Variants in NXPE2 observed in about 807,000 individuals in gnomAD.
NXPE2 encodes the protein neurexophilin and PC-esterase domain family member 2.
Under a neutral mutation model 34.4 loss-of-function variants are expected in NXPE2, and 34 were observed. The observed-to-expected ratio is 0.99, with a 90% CI of 0.75 to 1.31. The LOEUF is 1.31. Among genes scored for constraint, NXPE2 ranks in the 40% most tolerant of loss-of-function variants. The pLI is 0.00. For missense variants in NXPE2, 649 were observed against 672.5 expected (o/e 0.97, Z 0.39); for synonymous variants, 235 against 231.3 (o/e 1.02, Z -0.15).
chr11:114,546,876 T>A, the NXPE2 span, among the ~76,000 whole-genome samples: 119 of 152,270 alleles, frequency 7.8e-4, no homozygotes, highest in Non-Finnish European at 1.5e-3. Flanking sequence ...ATGGCCAAAG[T>A]AGAACAATTT....
the NXPE2 span, among the ~76,000 whole-genome samples, chr11:114,603,769 G>A: frequency 2.0e-5 from 3 of 151,390 alleles, no homozygotes; most frequent in Admixed American, 1.3e-4. Flanking sequence ...CGTCTCCTAG[G>A]TAACTACTGT....
chr11:114,484,361 G>T, the NXPE2 span, among the ~76,000 whole-genome samples: 2 of 152,054 alleles, frequency 1.3e-5, no homozygotes, highest in Admixed American at 6.6e-5. Context: ...GATGTGGGGG[G>T]GTAGAATTGA....
chr11:114,540,270 G>C, the NXPE2 span, among the ~76,000 whole-genome samples: 1 of 152,160 alleles, frequency 6.6e-6, no homozygotes, highest in Admixed American at 6.5e-5. Flanking sequence ...AATCCAATTT[G>C]TTTAGGAGAC....
the NXPE2 span, among the ~76,000 whole-genome samples, chr11:114,600,168 A>G: frequency 8.5e-5 from 13 of 152,318 alleles, no homozygotes; most frequent in African/African-American, 2.6e-4. Flanking sequence ...TATATTTATA[A>G]TTTCAAAGTT....
At chr11:114,579,992 CA>C in the NXPE2 span, 1 of 699,418 alleles carries the variant, frequency 1.4e-6, no homozygotes, top group Non-Finnish European at 2.5e-6. Context: ...GGAAGGATAA[CA>C]ATGCCTTGTG....
chr11:114,645,573 C>A, the NXPE2 span, among the ~76,000 whole-genome samples: 5 of 151,944 alleles, frequency 3.3e-5, no homozygotes, highest in Non-Finnish European at 5.9e-5. Flanking sequence ...ATAAAAGATA[C>A]CCTAAACCAA....
At chr11:114,784,191 G>A in the NXPE2 span, among the ~76,000 whole-genome samples, 5 of 152,210 alleles carry the variant, frequency 3.3e-5, no homozygotes, top group Non-Finnish European at 7.3e-5. Flanking sequence ...TGTCCCACAA[G>A]TTTCTTGTAG....
At chr11:114,571,074 T>C in the NXPE2 span, 2 of 1,614,030 alleles carry the variant, frequency 1.2e-6, no homozygotes, top group South Asian at 1.1e-5. Flanking sequence ...GAAAATGTCC[T>C]TTATGATGAG....
intron 2 of NXPE2, among the ~76,000 whole-genome samples, chr11:114,689,051 G>A (rs1951100124): frequency 6.6e-6 from 1 of 151,702 alleles, no homozygotes; most frequent in African/African-American, 2.4e-5. Flanking sequence ...TTTTTGTTTT[G>A]TGGATCCTTT....
the NXPE2 span, among the ~76,000 whole-genome samples, chr11:114,626,787 T>G: frequency 6.6e-6 from 1 of 152,052 alleles, no homozygotes; most frequent in African/African-American, 2.4e-5. Flanking sequence ...TTTAGAATAA[T>G]GTATAACTAG....
intron 3 of NXPE2, among the ~76,000 whole-genome samples, chr11:114,702,128 A>T (rs1198620970): frequency 1.3e-5 from 2 of 152,224 alleles, no homozygotes; most frequent in Non-Finnish European, 2.9e-5. Flanking sequence ...TAATCGTGAT[A>T]AAAACATAAA....
At chr11:114,582,803 G>T in the NXPE2 span, 13 of 1,614,192 alleles carry the variant, frequency 8.1e-6, no homozygotes, top group Non-Finnish European at 1.1e-5. Context: ...CTCGAGGGTT[G>T]AGGATGGTGG....
At chr11:114,549,099 A>G in the NXPE2 span, among the ~76,000 whole-genome samples, 2 of 151,996 alleles carry the variant, frequency 1.3e-5, no homozygotes, top group African/African-American at 2.4e-5. Context: ...CCTGAGTGAC[A>G]TTAAAAAAAT....
chr11:114,633,386 T>G, the NXPE2 span, among the ~76,000 whole-genome samples: 1 of 144,562 alleles, frequency 6.9e-6, no homozygotes, highest in Non-Finnish European at 1.5e-5. Flanking sequence ...ATGTATTATA[T>G]TATATATTAT....
At chr11:114,640,372 C>G in the NXPE2 span, among the ~76,000 whole-genome samples, 3 of 149,468 alleles carry the variant, frequency 2.0e-5, no homozygotes, top group African/African-American at 7.3e-5. Context: ...GCTACTGTTT[C>G]TTTATCCACT....
At chr11:114,737,526 C>T in the NXPE2 span, among the ~76,000 whole-genome samples, 2 of 152,160 alleles carry the variant, frequency 1.3e-5, no homozygotes, top group Non-Finnish European at 2.9e-5. Flanking sequence ...GCCAGTCACT[C>T]AGCAAGAACG....
chr11:114,811,713 T>A, the NXPE2 span, among the ~76,000 whole-genome samples: 491 of 152,232 alleles, frequency 3.2e-3, 14 homozygotes, highest in Middle Eastern at 0.061. Flanking sequence ...AAGGACAGGA[T>A]CCAGGCACCA....
At chr11:114,798,922 G>A in the NXPE2 span, among the ~76,000 whole-genome samples, 6 of 152,242 alleles carry the variant, frequency 3.9e-5, no homozygotes, top group Non-Finnish European at 8.8e-5. Flanking sequence ...GTGGAGAGCC[G>A]TGAAAGCTGC....
At chr11:114,537,767 C>T in the NXPE2 span, among the ~76,000 whole-genome samples, 1 of 151,612 alleles carries the variant, frequency 6.6e-6, no homozygotes, top group East Asian at 1.9e-4. Flanking sequence ...AACCACTGCT[C>T]AATGAAATAA....
Sources: gnomAD v4.1 joint callset for allele counts (sites outside exome capture counted in the v4.1 genomes callset) on GRCh38, gnomAD v4.1.1 for gene constraint, MANE v1.5 for transcripts, NCBI Gene and HGNC (gene_info 2026-07-23, HGNC 2026-07-21) for gene names.